Variants in DPYD observed in about 807,000 individuals in gnomAD.
The protein encoded by DPYD is dihydropyrimidine dehydrogenase [NADP(+)].
DPYD carries 109 observed loss-of-function variants against 116.2 expected under a neutral mutation model. That is an observed-to-expected ratio of 0.94 (90% CI 0.80 to 1.10). DPYD has a LOEUF of 1.10. Among genes scored for constraint, DPYD ranks in the 50% least tolerant of loss-of-function variants. The pLI is 0.00. For synonymous variants in DPYD, 440 were observed against 432.0 expected, an observed-to-expected ratio of 1.02 and a Z score of -0.23; for missense variants, 1,302 against 1,254.5, an observed-to-expected ratio of 1.04 and a Z score of -0.57.
At chr1:97,308,333 C>T (rs1165845357) in intron 16 of DPYD, 1 of 151,684 alleles carries the variant, frequency 6.6e-6, no homozygotes, top group Non-Finnish European at 1.5e-5. Flanking sequence ...GTAAATTTGA[C>T]CCTCCATGAG....
In DPYD at chr1:97,548,898, G is replaced by A. The variant is rs1032455597; in HGVS notation, c.1524+662C>T. Among the ~76,000 whole-genome samples, 7 of 152,150 alleles carry A rather than the reference G, an allele frequency of 4.6e-5. No homozygotes were observed. In the East Asian group the frequency reaches 9.7e-4, roughly 21 times the overall value. On this transcript the variant is annotated intron_variant, in intron 12 of 22. Coordinates refer to ENST00000370192, the MANE Select transcript of DPYD (RefSeq NM_000110.4). ...CAGATCAAACCATCTTTTGGAGTATGTAAGATTATAATTAATGTAGATTCT... is the reference window on the plus strand; with the variant it reads ...CAGATCAAACCATCTTTTGGAGTATATAAGATTATAATTAATGTAGATTCT...
chr1:97,194,597 C>G (rs1302958308), intron 19 of DPYD, among the ~76,000 whole-genome samples: 1 of 151,958 alleles, frequency 6.6e-6, no homozygotes, highest in Non-Finnish European at 1.5e-5. Flanking sequence ...CTCCACCTCC[C>G]GGGTTCAAGC....
At chr1:97,495,379 C>T (rs1679204823) in intron 13 of DPYD, among the ~76,000 whole-genome samples, 1 of 152,020 alleles carries the variant, frequency 6.6e-6, no homozygotes. Flanking sequence ...CTTTGTGCTC[C>T]CTCTTCCCTT....
At chr1:97,548,081 A>C (rs1004864769) in intron 12 of DPYD, among the ~76,000 whole-genome samples, 24 of 152,188 alleles carry the variant, frequency 1.6e-4, no homozygotes, top group Admixed American at 5.9e-4. Flanking sequence ...AGATAAAGTG[A>C]ATTTTGTTAG....
At chr1:97,442,600 A>C in intron 14 of DPYD, among the ~76,000 whole-genome samples, 1 of 152,090 alleles carries the variant, frequency 6.6e-6, no homozygotes, top group Admixed American at 6.6e-5. Context: ...GTGAAGTAAA[A>C]TGAATGAATG....
intron 10 of DPYD, among the ~76,000 whole-genome samples, chr1:97,586,465 C>CATATATATATATATAT (rs57301424): frequency 5.8e-5 from 2 of 34,310 alleles, no homozygotes; most frequent in Non-Finnish European, 1.1e-4. Context: ...TACATACATA[C>CATATATATATATATAT]ATATATATAT....
chr1:97,300,165 A>G (rs778955115), intron 18 of DPYD, among the ~76,000 whole-genome samples: 10 of 152,150 alleles, frequency 6.6e-5, no homozygotes, highest in Non-Finnish European at 7.4e-5. Flanking sequence ...GGTGAATAAC[A>G]GGCCAGATTT....
intron 2 of DPYD, among the ~76,000 whole-genome samples, chr1:97,844,037 C>T (rs937685886): frequency 3.3e-5 from 5 of 151,896 alleles, no homozygotes; most frequent in Admixed American, 3.3e-4. Flanking sequence ...CTATTACAAA[C>T]AGAATGGTCA....
At chr1:97,770,980 T>C (rs1666110505) in intron 3 of DPYD, among the ~76,000 whole-genome samples, 1 of 152,134 alleles carries the variant, frequency 6.6e-6, no homozygotes, top group South Asian at 2.1e-4. Context: ...TTAAGGAAAT[T>C]AAATCAAAAT....
Position 97,704,471 on chromosome 1 carries a change from CAA to C in DPYD, c.484-4926_484-4925del, listed in dbSNP as rs960583208. Among the ~76,000 whole-genome samples the C allele has an allele frequency of 5.9e-4, 89 of 151,718 alleles. No individual in the cohort carries two copies. In the Middle Eastern group the frequency reaches 0.028, roughly 47 times the overall value. ...TGTTAAATTTAAAAATAAAAGTTTA[CAA>C]AAGTTAGTTAAAACAAATTACAAAA... On this transcript the variant is annotated intron_variant, in intron 5 of 22. Transcript: ENST00000370192.
chr1:97,288,019 A>G (rs1665846686), intron 18 of DPYD, among the ~76,000 whole-genome samples: 1 of 150,932 alleles, frequency 6.6e-6, no homozygotes. Flanking sequence ...AAACAAAAAA[A>G]GGCAAGGGTT....
chr1:97,133,441 C>T (rs1030669604), intron 20 of DPYD, among the ~76,000 whole-genome samples: 1 of 151,772 alleles, frequency 6.6e-6, no homozygotes, highest in African/African-American at 2.4e-5. Flanking sequence ...CTTTTTGTTG[C>T]TTTTAAAAAT....
At chr1:97,899,687 T>C (rs1464676927) in intron 1 of DPYD, among the ~76,000 whole-genome samples, 2 of 151,818 alleles carry the variant, frequency 1.3e-5, no homozygotes, top group Admixed American at 1.3e-4. Flanking sequence ...GGACAAACAA[T>C]ACAGAAAAAT....
At chr1:97,799,462 G>GA (rs138618486) in intron 3 of DPYD, among the ~76,000 whole-genome samples, 3,137 of 150,190 alleles carry the variant, frequency 0.021, 61 homozygotes, top group Non-Finnish European at 0.03. Context: ...CTTTCATCCT[G>GA]AAAAAAAAAT....
chr1:97,274,169 C>CAAGGAATTTA (rs1471901707), intron 18 of DPYD, among the ~76,000 whole-genome samples: 17 of 152,072 alleles, frequency 1.1e-4, no homozygotes, highest in African/African-American at 4.1e-4. Context: ...ATTCAAGGAA[C>CAAGGAATTTA]CTAGAACATG....
chr1:97,180,834 G>T (rs574289500), intron 20 of DPYD, among the ~76,000 whole-genome samples: 5 of 152,272 alleles, frequency 3.3e-5, no homozygotes, highest in African/African-American at 1.2e-4. Context: ...GTAGTAAGGA[G>T]AAATGGGGAA....
chr1:97,218,763 T>C (rs1660586855), intron 19 of DPYD, among the ~76,000 whole-genome samples: 1 of 151,686 alleles, frequency 6.6e-6, no homozygotes, highest in Non-Finnish European at 1.5e-5. Context: ...AAGTGATGAG[T>C]GGGCTTTCTG....
At chr1:97,572,324 G>A (rs888755731) in intron 11 of DPYD, among the ~76,000 whole-genome samples, 17 of 151,416 alleles carry the variant, frequency 1.1e-4, no homozygotes, top group Admixed American at 3.3e-4. Context: ...ATGCCTGCGC[G>A]CACACACACA....
At chr1:97,498,920 T>G (rs2101924638) in intron 13 of DPYD, among the ~76,000 whole-genome samples, 1 of 151,830 alleles carries the variant, frequency 6.6e-6, no homozygotes, top group East Asian at 1.9e-4. Flanking sequence ...AGAAATATTT[T>G]TTCTTAAAAG....
Sources: gnomAD v4.1 joint callset for allele counts (sites outside exome capture counted in the v4.1 genomes callset) on GRCh38, gnomAD v4.1.1 for gene constraint, MANE v1.5 for transcripts, NCBI Gene and HGNC (gene_info 2026-07-23, HGNC 2026-07-21) for gene names.